Variants in CALCR observed in about 807,000 individuals in gnomAD.
CALCR encodes the protein calcitonin receptor.
Under a neutral mutation model 59.5 loss-of-function variants are expected in CALCR, and 47 were observed. The ratio of observed to expected loss-of-function variants is 0.79; its 90% CI spans 0.63 to 1.01. The LOEUF (loss-of-function observed/expected upper bound fraction) is 1.01. Among genes scored for constraint, CALCR ranks in the 50% least tolerant of loss-of-function variants. The probability of loss-of-function intolerance (pLI) is 0.00; values close to 1 mark genes in which losing one functional copy is unlikely to be tolerated. For missense variants in CALCR, 566 were observed against 597.1 expected (o/e 0.95, Z 0.54); for synonymous variants, 213 against 211.3 (o/e 1.01, Z -0.07).
intron 11 of CALCR, among the ~76,000 whole-genome samples, chr7:93,436,916 A>C (rs1799791448): frequency 6.6e-6 from 1 of 152,214 alleles, no homozygotes; most frequent in Non-Finnish European, 1.5e-5. Flanking sequence ...TCCTCTGCCC[A>C]AAAGTGCTGC....
At chr7:93,446,431 G>C (rs944619745) in intron 8 of CALCR, among the ~76,000 whole-genome samples, 1 of 151,810 alleles carries the variant, frequency 6.6e-6, no homozygotes, top group Non-Finnish European at 1.5e-5. Context: ...CTCTCTTTTT[G>C]TTTTCAAACT....
At chr7:93,573,306 C>T (rs781342385) in intron 2 of CALCR, among the ~76,000 whole-genome samples, 1 of 152,158 alleles carries the variant, frequency 6.6e-6, no homozygotes, top group African/African-American at 2.4e-5. Flanking sequence ...GACTTAAACT[C>T]GGACGCTCTG....
intron 2 of CALCR, among the ~76,000 whole-genome samples, chr7:93,552,021 T>C (rs956533728): frequency 1.3e-5 from 2 of 152,124 alleles, no homozygotes; most frequent in African/African-American, 4.8e-5. Context: ...TGGCAAAGAA[T>C]GTGCAGAGCA....
intron 2 of CALCR, among the ~76,000 whole-genome samples, chr7:93,543,504 C>T (rs532055630): frequency 3.0e-4 from 45 of 152,154 alleles, no homozygotes; most frequent in African/African-American, 1.0e-3. Flanking sequence ...ACCAGCATCA[C>T]CACAAGCATG....
At chr7:93,479,102 C>G (rs551018915) in intron 4 of CALCR, among the ~76,000 whole-genome samples, 1 of 151,790 alleles carries the variant, frequency 6.6e-6, no homozygotes, top group African/African-American at 2.4e-5. Flanking sequence ...TCCGGCTCAC[C>G]AGGTGTGAAT....
intron 12 of CALCR, 119 bp downstream of exon 12, chr7:93,435,833 A>C (rs1461948239): frequency 1.1e-5 from 4 of 360,568 alleles, no homozygotes; most frequent in Non-Finnish European, 2.0e-5. Context: ...ATAATAAATA[A>C]ATAAATAAAT....
At chr7:93,566,836 G>A (rs1472999544) in intron 2 of CALCR, among the ~76,000 whole-genome samples, 1 of 152,074 alleles carries the variant, frequency 6.6e-6, no homozygotes, top group African/African-American at 2.4e-5. Flanking sequence ...AAATCTAGGA[G>A]GTATTAATAT....
intron 7 of CALCR, among the ~76,000 whole-genome samples, chr7:93,463,862 G>GA (rs1284692474): frequency 1.3e-5 from 2 of 151,794 alleles, no homozygotes; most frequent in African/African-American, 2.4e-5. Flanking sequence ...TTCCCTTTAT[G>GA]AAAAAAACAG....
intron 2 of CALCR, among the ~76,000 whole-genome samples, chr7:93,522,262 C>T (rs930551824): frequency 6.6e-6 from 1 of 152,014 alleles, no homozygotes; most frequent in Non-Finnish European, 1.5e-5. Context: ...AGTGCTGATA[C>T]TGATTTATCA....
At chr7:93,569,953 C>G (rs1223415133) in intron 2 of CALCR, among the ~76,000 whole-genome samples, 1 of 151,676 alleles carries the variant, frequency 6.6e-6, no homozygotes, top group Non-Finnish European at 1.5e-5. Flanking sequence ...CACACACACA[C>G]ACACACACAC....
chr7:93,533,861 T>A lies in CALCR; in HGVS notation c.-27+40428A>T, dbSNP rs540574132. Among the ~76,000 whole-genome samples, 12 of 151,978 alleles carry A rather than the reference T, an allele frequency of 7.9e-5. No individual in the cohort carries two copies. The East Asian group carries it at 2.3e-3, about 29-fold the overall frequency. Reference sequence around the variant, plus strand: ...ATGTTATTTCTTTGGGAAGTAAATCTGGAGGTCACTGCTCATGGGTTTGTT... The same window carrying A: ...ATGTTATTTCTTTGGGAAGTAAATCAGGAGGTCACTGCTCATGGGTTTGTT... On this transcript the variant is annotated intron_variant, in intron 2 of 13. Transcript: ENST00000426151.
chr7:93,483,246 C>T (rs1289412211), intron 3 of CALCR, among the ~76,000 whole-genome samples: 3 of 151,626 alleles, frequency 2.0e-5, no homozygotes, highest in African/African-American at 7.2e-5. Context: ...ATACCTAGTA[C>T]AATGTAAATA....
At chr7:93,431,141 AGAG>A (rs1339683933) in intron 13 of CALCR, among the ~76,000 whole-genome samples, 1 of 152,218 alleles carries the variant, frequency 6.6e-6, no homozygotes, top group East Asian at 1.9e-4. Flanking sequence ...CCTGAGAGGA[AGAG>A]GAGAGAAAGA....
chr7:93,513,948 G>A (rs1214120503), intron 2 of CALCR, among the ~76,000 whole-genome samples: 1 of 151,620 alleles, frequency 6.6e-6, no homozygotes. Context: ...TGTGACCTGG[G>A]CCTGCTCCTT....
intron 7 of CALCR, among the ~76,000 whole-genome samples, chr7:93,466,676 G>A (rs939890648): frequency 8.6e-5 from 13 of 151,754 alleles, no homozygotes; most frequent in Non-Finnish European, 1.9e-4. Flanking sequence ...CCAGATTTAA[G>A]TTGCTGTTTA....
At chr7:93,434,063 TG>T (rs1236864872) in intron 13 of CALCR, among the ~76,000 whole-genome samples, 189 bp downstream of exon 13, 2 of 152,254 alleles carry the variant, frequency 1.3e-5, no homozygotes. Flanking sequence ...GAATCATATT[TG>T]CCATTGTACT....
At chr7:93,428,412 C>A (rs1799576829) in intron 13 of CALCR, among the ~76,000 whole-genome samples, 1 of 152,192 alleles carries the variant, frequency 6.6e-6, no homozygotes, top group Admixed American at 6.5e-5. Flanking sequence ...CTTTAAATGC[C>A]AGGGTTATAA....
chr7:93,448,715 T>A (rs1488727982), intron 8 of CALCR, among the ~76,000 whole-genome samples: 1 of 152,000 alleles, frequency 6.6e-6, no homozygotes, highest in Non-Finnish European at 1.5e-5. Flanking sequence ...GTTATTAATA[T>A]TAAATAATCT....
chr7:93,477,763 C>T, intron 4 of CALCR, 95 bp from the exon 5 acceptor site: 1 of 741,682 alleles, frequency 1.3e-6, no homozygotes, highest in Non-Finnish European at 2.3e-6. Context: ...GCTGAGCTCA[C>T]TACACCAGTC....
Sources: allele counts gnomAD v4.1 joint callset (sites outside exome capture counted in the v4.1 genomes callset), GRCh38; gene constraint gnomAD v4.1.1; transcripts MANE v1.5; gene names NCBI Gene and HGNC (gene_info 2026-07-23, HGNC 2026-07-21).